The following DCHS2 variants were observed in gnomAD, a reference collection of about 807,000 sequenced individuals.
The protein encoded by DCHS2 is protocadherin-23.
A neutral mutation model predicts 182.4 loss-of-function variants in DCHS2; 142 were observed. The ratio of observed to expected loss-of-function variants is 0.78; its 90% confidence interval spans 0.68 to 0.89. DCHS2 has a LOEUF of 0.89. Ranked by LOEUF, DCHS2 falls within the 40% of genes least tolerant of loss-of-function variation. DCHS2 has a pLI of 0.00. For synonymous variants in DCHS2, 1,740 were observed against 1,663.3 expected (o/e 1.05, Z -1.12); for missense variants, 4,319 against 4,198.6 (o/e 1.03, Z -0.79).
intron 10 of DCHS2, among the ~76,000 whole-genome samples, chr4:154,313,259 C>T (rs987383428): frequency 6.6e-5 from 10 of 152,104 alleles, no homozygotes; most frequent in Non-Finnish European, 1.3e-4. Context: ...GTTGATGGCA[C>T]CAAATGCTGC....
chr4:154,396,021 C>G (rs1731915089), intron 1 of DCHS2, among the ~76,000 whole-genome samples: 1 of 152,138 alleles, frequency 6.6e-6, no homozygotes, highest in South Asian at 2.1e-4. Context: ...GCGAGGTAAA[C>G]ATTTGTCATT....
intron 14 of DCHS2, among the ~76,000 whole-genome samples, chr4:154,268,239 C>CCCA (rs1554000254): frequency 2.8e-4 from 42 of 148,698 alleles, no homozygotes; most frequent in African/African-American, 9.3e-4. Flanking sequence ...TTCCCCCCCC[C>CCCA]AAAAAAATAA....
intron 6 of DCHS2, 67 bp downstream of exon 6, chr4:154,329,453 TACC>T (rs1365543028): frequency 1.4e-6 from 2 of 1,449,960 alleles, no homozygotes; most frequent in African/African-American, 2.8e-5. Flanking sequence ...TCACAGGTTT[TACC>T]ACAAGATGGT....
chr4:154,371,850 A>AAG (rs1730662239), intron 2 of DCHS2, among the ~76,000 whole-genome samples: 5 of 151,946 alleles, frequency 3.3e-5, no homozygotes, highest in African/African-American at 9.7e-5. Flanking sequence ...ACAGTACCGG[A>AAG]GGGGGATGGT....
intron 3 of DCHS2, among the ~76,000 whole-genome samples, chr4:154,349,308 G>T (rs7681342): frequency 0.32 from 48,030 of 151,936 alleles, 9,320 homozygotes; most frequent in Non-Finnish European, 0.43. Flanking sequence ...TGGCTCATTT[G>T]GGGGTTTGGC....
chr4:154,302,180 C>T (rs1350348912), intron 12 of DCHS2, among the ~76,000 whole-genome samples: 1 of 152,096 alleles, frequency 6.6e-6, no homozygotes, highest in African/African-American at 2.4e-5. Flanking sequence ...AAATGCAAAA[C>T]ATATAACTGA....
intron 1 of DCHS2, among the ~76,000 whole-genome samples, chr4:154,471,588 C>A (rs1285873590): frequency 2.0e-5 from 3 of 152,076 alleles, no homozygotes; most frequent in Admixed American, 2.0e-4. Flanking sequence ...AATTTAATAT[C>A]CATTGGCCCT....
intron 13 of DCHS2, among the ~76,000 whole-genome samples, chr4:154,295,326 A>G (rs1734873520): frequency 6.6e-6 from 1 of 152,254 alleles, no homozygotes. Context: ...GCCTAGTTAG[A>G]TAATGCTCAT....
At chr4:154,255,820 G>A (rs1339608002) in intron 15 of DCHS2, 150 bp from the exon 16 acceptor site, 17 of 1,298,998 alleles carry the variant, frequency 1.3e-5, no homozygotes, top group Non-Finnish European at 1.7e-5. Flanking sequence ...GACAACTGAA[G>A]CTTACATTTA....
intron 3 of DCHS2, among the ~76,000 whole-genome samples, chr4:154,341,059 C>A (rs1238069401): frequency 6.6e-6 from 1 of 152,060 alleles, no homozygotes; most frequent in Non-Finnish European, 1.5e-5. Flanking sequence ...AGGGAAGTGC[C>A]TTGTTAATAA....
chr4:154,271,873 A>G (rs540597738), intron 13 of DCHS2, among the ~76,000 whole-genome samples: 1 of 152,260 alleles, frequency 6.6e-6, no homozygotes, highest in East Asian at 1.9e-4. Flanking sequence ...AATATTTTCT[A>G]TGATCAGTAT....
chr4:154,476,010 G>C (rs1735665729), intron 1 of DCHS2, among the ~76,000 whole-genome samples: 1 of 152,064 alleles, frequency 6.6e-6, no homozygotes, highest in African/African-American at 2.4e-5. Context: ...GATTGGGAAA[G>C]TGCCTCACAA....
chr4:154,388,493 A>AG (rs1731518026), intron 1 of DCHS2, among the ~76,000 whole-genome samples: 1 of 108,446 alleles, frequency 9.2e-6, no homozygotes, highest in Non-Finnish European at 2.1e-5. Context: ...AAATAGATGT[A>AG]ATTTTTTTTT....
At position 154,377,256 on chromosome 4, in the gene DCHS2, A is replaced by T; in HGVS notation, c.2241T>A (p.Asp747Glu). The change falls in exon 2 of 20, where the codon GAT (aspartate) becomes GAA (glutamate). Residue 747 changes from aspartate to glutamate, a missense_variant. Transcript: ENST00000357232. The stretch of plus-strand genomic sequence containing the variant: ...AACTTCATACATAAAAACTTACCCC[A>T]TCCTTAGCTTCCACCAGGAGATCAT... ...ATYDLLVEAK[D>E]GGGLSAQAFV... 6.2e-7 allele frequency: 1 copy of T among 1,613,048 alleles called. No homozygotes were observed. Among genetic ancestry groups the T allele is most frequent in the African/African-American group, 1.3e-5 (1 of 74,972 alleles).
At chr4:154,379,960 C>T (rs1192894324) in intron 1 of DCHS2, among the ~76,000 whole-genome samples, 2 of 152,050 alleles carry the variant, frequency 1.3e-5, no homozygotes, top group Admixed American at 6.6e-5. Context: ...TTTTGGTTGT[C>T]ACAACTGGGG....
Position 154,235,500 on chromosome 4 carries a change from GCTTTGAGCACA to G in DCHS2, c.9141_9151del (p.Val3048LeufsTer5). 1 of 1,614,026 alleles carries G rather than the reference GCTTTGAGCACA, an allele frequency of 6.2e-7. No individual in the cohort carries two copies. On this transcript the variant is annotated frameshift_variant, in exon 20 of 20. Coordinates refer to ENST00000357232, the MANE Select transcript of DCHS2 (RefSeq NM_001358235.2). LOFTEE classifies it low-confidence loss of function (END_TRUNC). Reference sequence around the variant, plus strand: ...ACTGCAGTCGTCAGTTTTCTGGAAGGCTTTGAGCACACTGGCATCCCGGGTCACTCTCAAGT... The same window carrying G: ...ACTGCAGTCGTCAGTTTTCTGGAAGGCTGGCATCCCGGGTCACTCTCAAGT...
chr4:154,356,606 T>G (rs1019820800), intron 3 of DCHS2, among the ~76,000 whole-genome samples: 1 of 152,176 alleles, frequency 6.6e-6, no homozygotes, highest in African/African-American at 2.4e-5. Flanking sequence ...TATTCCCTTT[T>G]TACTCTACCT....
intron 13 of DCHS2, among the ~76,000 whole-genome samples, chr4:154,295,747 G>A (rs1327142552): frequency 1.3e-5 from 2 of 152,174 alleles, no homozygotes; most frequent in Non-Finnish European, 2.9e-5. Context: ...CTGTGAGGAA[G>A]TCATCAAAGA....
chr4:154,239,282 T>TA lies in DCHS2; in HGVS notation c.7379dup (p.Pro2461ThrfsTer18). The TA allele has an allele frequency of 6.2e-7, 1 of 1,612,482 alleles. No individual in the cohort carries two copies. Among genetic ancestry groups the TA allele is most frequent in the Non-Finnish European group, 8.5e-7 (1 of 1,179,326 alleles). ...GAGTCAGCACTGAATACCCCACAGG[T>TA]ATTGATTCAGGAACTGTGACCTGAG... On this transcript the variant is annotated frameshift_variant, in exon 19 of 20. Transcript: ENST00000357232. LOFTEE classifies it high-confidence loss of function.
Sources: allele counts gnomAD v4.1 joint callset (sites outside exome capture counted in the v4.1 genomes callset), GRCh38; gene constraint gnomAD v4.1.1; transcripts MANE v1.5; gene names NCBI Gene and HGNC (gene_info 2026-07-23, HGNC 2026-07-21).